Variants in TMEM178B observed in about 807,000 individuals in gnomAD.
The protein encoded by TMEM178B is transmembrane protein 178B.
A neutral mutation model predicts 31.0 loss-of-function variants in TMEM178B; 5 were observed. The observed-to-expected ratio is 0.16, with a 90% CI of 0.08 to 0.34. The LOEUF is 0.34. Ranked by LOEUF, TMEM178B falls within the 10% of genes least tolerant of loss-of-function variation. The pLI is 1.00. For synonymous variants in TMEM178B, 164 were observed against 164.0 expected (o/e 1.00, Z 0.00); for missense variants, 275 against 400.3 (o/e 0.69, Z 2.67).
At chr7:141,162,686 C>A (rs1434802630) in intron 1 of TMEM178B, among the ~76,000 whole-genome samples, 1 of 152,194 alleles carries the variant, frequency 6.6e-6, no homozygotes, top group East Asian at 1.9e-4. Flanking sequence ...AATTTAGGCA[C>A]AGCAAAAGAT....
intron 2 of TMEM178B, among the ~76,000 whole-genome samples, chr7:141,396,658 A>T (rs1023964020): frequency 2.0e-5 from 3 of 152,184 alleles, no homozygotes; most frequent in Admixed American, 6.5e-5. Context: ...GCTGCTCCAT[A>T]TGTGGCCTCA....
chr7:141,273,181 C>T (rs1013853450), intron 2 of TMEM178B, among the ~76,000 whole-genome samples: 27 of 152,250 alleles, frequency 1.8e-4, no homozygotes, highest in African/African-American at 2.9e-4. Context: ...AAATCAAACT[C>T]GTGGAAGCAG....
At chr7:141,301,291 A>T (rs1474593711) in intron 2 of TMEM178B, among the ~76,000 whole-genome samples, 1 of 152,130 alleles carries the variant, frequency 6.6e-6, no homozygotes, top group African/African-American at 2.4e-5. Context: ...AATTACGTGA[A>T]ATTTCTCTTC....
intron 1 of TMEM178B, among the ~76,000 whole-genome samples, chr7:141,203,578 G>A (rs10952497): frequency 0.66 from 99,943 of 152,088 alleles, 33,212 homozygotes; most frequent in Middle Eastern, 0.7. Context: ...CTTGTTCCCA[G>A]CAAATCTTCC....
At chr7:141,255,903 A>G (rs1386835592) in intron 2 of TMEM178B, among the ~76,000 whole-genome samples, 1 of 152,194 alleles carries the variant, frequency 6.6e-6, no homozygotes, top group Non-Finnish European at 1.5e-5. Context: ...TCAGGCATCG[A>G]GAGAACTGTG....
At chr7:141,287,633 C>T (rs1303772752) in intron 2 of TMEM178B, among the ~76,000 whole-genome samples, 1 of 152,152 alleles carries the variant, frequency 6.6e-6, no homozygotes, top group Non-Finnish European at 1.5e-5. Context: ...GTGCCTTCCC[C>T]CTCTCCTCCC....
At chr7:141,339,624 G>GTTCATGTGGT (rs1259541589) in intron 2 of TMEM178B, among the ~76,000 whole-genome samples, 19 of 152,340 alleles carry the variant, frequency 1.2e-4, no homozygotes, top group Non-Finnish European at 2.6e-4. Flanking sequence ...CATTCATGTG[G>GTTCATGTGGT]TTCATGAAAG....
At chr7:141,312,632 A>G (rs928878333) in intron 2 of TMEM178B, among the ~76,000 whole-genome samples, 46 of 152,214 alleles carry the variant, frequency 3.0e-4, no homozygotes, top group African/African-American at 9.9e-4. Flanking sequence ...CGCAAAGTCA[A>G]TCTCCAAAGG....
At chr7:141,232,177 A>T (rs1232424735) in intron 2 of TMEM178B, among the ~76,000 whole-genome samples, 1 of 152,212 alleles carries the variant, frequency 6.6e-6, no homozygotes, top group African/African-American at 2.4e-5. Context: ...TCCATGGTGT[A>T]CATGTACCAC....
At chr7:141,167,246 C>T (rs1275916979) in intron 1 of TMEM178B, among the ~76,000 whole-genome samples, 4 of 152,242 alleles carry the variant, frequency 2.6e-5, no homozygotes, top group Non-Finnish European at 4.4e-5. Flanking sequence ...ACATCTTGTC[C>T]TTCAATGCAG....
At chr7:141,095,788 C>G (rs1794950128) in intron 1 of TMEM178B, among the ~76,000 whole-genome samples, 1 of 152,288 alleles carries the variant, frequency 6.6e-6, no homozygotes, top group South Asian at 2.1e-4. Flanking sequence ...TGTTGCCTGG[C>G]TAATAAAGAG....
intron 2 of TMEM178B, among the ~76,000 whole-genome samples, chr7:141,403,873 C>T (rs1188740712): frequency 1.3e-5 from 2 of 152,204 alleles, no homozygotes; most frequent in East Asian, 3.9e-4. Flanking sequence ...TACTTTGTCC[C>T]CTGCAGTTCA....
At chr7:141,337,140 CCATCAT>C (rs1799426275) in intron 2 of TMEM178B, among the ~76,000 whole-genome samples, 702 of 30,760 alleles carry the variant, frequency 0.023, 1 homozygote, top group Non-Finnish European at 0.028. Flanking sequence ...ACCACCACCA[CCATCAT>C]CACCACCACC....
At chr7:141,174,028 A>G (rs1164178073) in intron 1 of TMEM178B, among the ~76,000 whole-genome samples, 1 of 152,188 alleles carries the variant, frequency 6.6e-6, no homozygotes, top group Non-Finnish European at 1.5e-5. Context: ...TTACATAGGT[A>G]TACATGTGGC....
intron 2 of TMEM178B, among the ~76,000 whole-genome samples, chr7:141,397,069 G>A (rs1001143979): frequency 2.6e-5 from 4 of 152,176 alleles, no homozygotes; most frequent in African/African-American, 4.8e-5. Context: ...CATCATCACC[G>A]TAAGAACACC....
At chr7:141,222,433 G>C (rs748759768) in intron 2 of TMEM178B, among the ~76,000 whole-genome samples, 6 of 152,200 alleles carry the variant, frequency 3.9e-5, no homozygotes, top group Non-Finnish European at 8.8e-5. Flanking sequence ...TAAGTGGTTT[G>C]ACCCCAGTAC....
chr7:141,149,392 A>T (rs565639874), intron 1 of TMEM178B, among the ~76,000 whole-genome samples: 5 of 152,288 alleles, frequency 3.3e-5, no homozygotes, highest in African/African-American at 1.2e-4. Flanking sequence ...TAAAAAAAAT[A>T]CAAAAATTAG....
At chr7:141,277,913 G>A (rs558007999) in intron 2 of TMEM178B, among the ~76,000 whole-genome samples, 8 of 152,262 alleles carry the variant, frequency 5.3e-5, no homozygotes, top group Middle Eastern at 3.4e-3. Flanking sequence ...TAACATAAAA[G>A]TATACAACAT....
intron 2 of TMEM178B, among the ~76,000 whole-genome samples, chr7:141,253,194 C>A (rs1797863694): frequency 6.6e-6 from 1 of 152,212 alleles, no homozygotes; most frequent in Non-Finnish European, 1.5e-5. Flanking sequence ...GTATCTGCTT[C>A]CCCCTTGTTG....
Sources: allele counts gnomAD v4.1 joint callset (sites outside exome capture counted in the v4.1 genomes callset), GRCh38; gene constraint gnomAD v4.1.1; transcripts MANE v1.5; gene names NCBI Gene and HGNC (gene_info 2026-07-23, HGNC 2026-07-21).